Variants in PKIB observed in about 807,000 individuals in gnomAD.
PKIB encodes the protein cAMP-dependent protein kinase inhibitor beta, also known as PKI-beta.
PKIB carries 2 observed loss-of-function variants against 4.5 expected under a neutral mutation model. The observed-to-expected ratio is 0.44, with a 90% CI of 0.18 to 1.39. PKIB has a LOEUF of 1.39. Ranked by LOEUF, PKIB falls within the 40% of genes most tolerant of loss-of-function variation. The pLI is 0.27. For synonymous variants in PKIB, 38 were observed against 36.0 expected, an observed-to-expected ratio of 1.06 and a Z score of -0.20; for missense variants, 94 against 92.6, an observed-to-expected ratio of 1.02 and a Z score of -0.06.
chr6:122,719,917 G>A (rs9375170), intron 4 of PKIB, among the ~76,000 whole-genome samples: 118,622 of 152,066 alleles, frequency 0.78, 46,639 homozygotes, highest in East Asian at 0.89. Context: ...AAAATACACA[G>A]AAGGATATAG....
chr6:122,596,368 A>T (rs2114732682), intron 3 of PKIB, among the ~76,000 whole-genome samples: 1 of 152,272 alleles, frequency 6.6e-6, no homozygotes, highest in South Asian at 2.1e-4. Flanking sequence ...GGGTGACAGG[A>T]GTGGAGACCA....
At chr6:122,574,571 C>CA (rs969038930) in intron 2 of PKIB, among the ~76,000 whole-genome samples, 23 of 152,040 alleles carry the variant, frequency 1.5e-4, no homozygotes, top group African/African-American at 5.1e-4. Context: ...GCATATAGAC[C>CA]AATGGAACTG....
chr6:122,529,043 A>C (rs1023938088), intron 2 of PKIB, among the ~76,000 whole-genome samples: 1 of 152,170 alleles, frequency 6.6e-6, no homozygotes, highest in Non-Finnish European at 1.5e-5. Context: ...CAGACAGTTG[A>C]TTCTATTTAC....
At chr6:122,621,244 C>G (rs1276203234) in intron 1 of PKIB, among the ~76,000 whole-genome samples, 1 of 152,066 alleles carries the variant, frequency 6.6e-6, no homozygotes, top group African/African-American at 2.4e-5. Context: ...AGATTAGAAA[C>G]AGAGAGATGC....
intron 2 of PKIB, among the ~76,000 whole-genome samples, chr6:122,543,131 C>G (rs1777660347): frequency 6.6e-6 from 1 of 152,064 alleles, no homozygotes; most frequent in South Asian, 2.1e-4. Context: ...CTTTCTTTGA[C>G]TAGGAAAGGG....
intron 2 of PKIB, among the ~76,000 whole-genome samples, chr6:122,487,281 G>A (rs1775793913): frequency 6.6e-6 from 1 of 152,064 alleles, no homozygotes; most frequent in African/African-American, 2.4e-5. Context: ...TTTCTTTCAT[G>A]ACCTTGTTAT....
At chr6:122,612,709 G>C (rs977059007) in intron 1 of PKIB, among the ~76,000 whole-genome samples, 1 of 152,024 alleles carries the variant, frequency 6.6e-6, no homozygotes, top group African/African-American at 2.4e-5. Flanking sequence ...GGATATTTGG[G>C]TTGTTTCCAA....
intron 2 of PKIB, among the ~76,000 whole-genome samples, chr6:122,545,516 T>C (rs1554219237): frequency 6.6e-6 from 1 of 151,632 alleles, no homozygotes; most frequent in Non-Finnish European, 1.5e-5. Flanking sequence ...TGCAGGGGCT[T>C]GGTGTACAGA....
chr6:122,557,752 G>A (rs747115582), intron 2 of PKIB, among the ~76,000 whole-genome samples: 4 of 152,262 alleles, frequency 2.6e-5, no homozygotes, highest in African/African-American at 7.2e-5. Flanking sequence ...GGGTAGATGT[G>A]CTGTCCTCAG....
At chr6:122,683,405 TC>T (rs1176689968) in intron 3 of PKIB, among the ~76,000 whole-genome samples, 3 of 151,914 alleles carry the variant, frequency 2.0e-5, no homozygotes, top group African/African-American at 7.3e-5. Context: ...AATTACCAGA[TC>T]TTGAGGGAAT....
At chr6:122,536,962 G>GA (rs1234167828) in intron 2 of PKIB, among the ~76,000 whole-genome samples, 2 of 147,098 alleles carry the variant, frequency 1.4e-5, no homozygotes, top group African/African-American at 2.5e-5. Flanking sequence ...TTGCCTGCTA[G>GA]AAAAAAAATC....
Position 122,646,375 on chromosome 6 carries a change from A to G in PKIB, c.-76+13008A>G, listed in dbSNP as rs572402515. Among the ~76,000 whole-genome samples the G allele has an allele frequency of 3.3e-5, 5 of 152,326 alleles. No homozygotes were observed. The South Asian group carries it at 1.0e-3, about 32-fold the overall frequency. On this transcript the variant is annotated intron_variant, in intron 2 of 4. Coordinates refer to ENST00000368452, the MANE Select transcript of PKIB (RefSeq NM_181795.3). ...TTCTAAGGACTAAGAAAAAAATTGA[A>G]TAGTGACTCTTTTGCTTGAGTCTTA...
chr6:122,478,631 G>C (rs9490460), intron 2 of PKIB: 3 of 152,262 alleles, frequency 2.0e-5, no homozygotes, highest in Admixed American at 2.0e-4. Flanking sequence ...TGTGGCAGCG[G>C]GGGGTGGGGA....
chr6:122,538,908 G>A (rs1035970088), intron 2 of PKIB, among the ~76,000 whole-genome samples: 1 of 152,054 alleles, frequency 6.6e-6, no homozygotes, highest in Non-Finnish European at 1.5e-5. Flanking sequence ...TCCCTTGTAA[G>A]TTGGATTCCT....
intron 1 of PKIB, among the ~76,000 whole-genome samples, chr6:122,623,193 A>G (rs1775308804): frequency 6.6e-6 from 1 of 152,192 alleles, no homozygotes. Flanking sequence ...CTTTCTGTGT[A>G]GAAAGGTCAG....
rs567002960 is a variant in PKIB at position 122,710,445 on chromosome 6, G to C, written c.-8-7342G>C. On this transcript the variant is annotated intron_variant, in intron 3 of 4. Transcript: ENST00000368452. ...CCACTAGGGCAAATTCAGTGCTGGGGATTTTGTGTACTTGGAGTGTATTTG... is the reference window on the plus strand; with the variant it reads ...CCACTAGGGCAAATTCAGTGCTGGGCATTTTGTGTACTTGGAGTGTATTTG... Among the ~76,000 whole-genome samples the C allele has an allele frequency of 1.4e-4, 22 of 152,202 alleles. No individual in the cohort carries two copies. In the South Asian group the frequency reaches 4.4e-3, roughly 30 times the overall value.
intron 3 of PKIB, among the ~76,000 whole-genome samples, chr6:122,588,532 A>T (rs570557622): frequency 6.6e-6 from 1 of 152,194 alleles, no homozygotes; most frequent in African/African-American, 2.4e-5. Flanking sequence ...AAACTATACT[A>T]CAAGGCTACA....
rs539291721 is a variant in PKIB at position 122,541,975 on chromosome 6, C to T, written c.-247-43946C>T. 5.0e-3 allele frequency among the ~76,000 whole-genome samples: 763 copies of T among 152,102 alleles called. 11 individuals carry two copies. The highest frequency in any genetic ancestry group is 0.017 in the African/African-American group (719 of 41,428). On this transcript the variant is annotated intron_variant, in intron 2 of 6. Transcript: ENST00000392491. ...GACCCTTTCTTCCAGTTGATCGCAT[C>T]GGCTCCTGAGGCTTCTGCATTCTTC...
intron 1 of PKIB, among the ~76,000 whole-genome samples, chr6:122,620,816 T>A (rs1290290296): frequency 1.3e-5 from 2 of 152,232 alleles, no homozygotes; most frequent in Non-Finnish European, 2.9e-5. Flanking sequence ...ATACCTTTTT[T>A]TGATTTTTGT....
Sources: gnomAD v4.1 joint callset for allele counts (sites outside exome capture counted in the v4.1 genomes callset) on GRCh38, gnomAD v4.1.1 for gene constraint, MANE v1.5 for transcripts, NCBI Gene and HGNC (gene_info 2026-07-23, HGNC 2026-07-21) for gene names.